The following FAM120A variants were observed in gnomAD, a reference collection of about 807,000 sequenced individuals.
FAM120A encodes constitutive coactivator of PPAR-gamma-like protein 1.
Under a neutral mutation model 109.7 loss-of-function variants are expected in FAM120A, and 15 were observed. That is an observed-to-expected ratio of 0.14 (90% CI 0.09 to 0.21). The LOEUF is 0.21. FAM120A is among the 10% of genes least tolerant of loss of function. The pLI is 1.00. For synonymous variants in FAM120A, 493 were observed against 572.8 expected (o/e 0.86, Z 1.99); for missense variants, 899 against 1,439.3 (o/e 0.62, Z 6.07).
At chr9:93,495,657 T>C (rs1384562081) in intron 3 of FAM120A, among the ~76,000 whole-genome samples, 1 of 152,218 alleles carries the variant, frequency 6.6e-6, no homozygotes, top group African/African-American at 2.4e-5. Flanking sequence ...AATGCTATGA[T>C]CGCTTGAGTC....
At position 93,508,879 on chromosome 9, in the gene FAM120A, A is replaced by G. The variant is rs370966401; in HGVS notation, c.1031-6788A>G. On this transcript the variant is annotated intron_variant, in intron 5 of 17. Coordinates refer to ENST00000277165, the MANE Select transcript of FAM120A (RefSeq NM_014612.5). ...AAATACACACGATCTCTCTCCAATA[A>G]CATACCCCCCAGAATCTGAGAACAT... Among the ~76,000 whole-genome samples, 61 of 152,342 alleles carry G rather than the reference A, an allele frequency of 4.0e-4. 1 individual carries two copies. The South Asian group carries it at 9.1e-3, about 23-fold the overall frequency.
In FAM120A at chr9:93,529,577, G is replaced by A. The variant is rs769862112; in HGVS notation, c.1731G>A (p.Thr577=). 1.8e-5 allele frequency: 29 copies of A among 1,614,038 alleles called. No individual in the cohort carries two copies. In the African/African-American group the frequency reaches 3.3e-4, roughly 19 times the overall value. ...ACCCCTACATCTTCCATGTCCTGAC[G>A]AAGGTATTATCAAAGGGGCCCTGGA... The part of the protein sequence containing the change: ...LMYPYIFHVL[T]KGEIKIAVSI... Residue 577 remains threonine (T), a synonymous_variant, in exon 9 of 18, where the codon ACG becomes ACA. Coordinates refer to ENST00000277165, the MANE Select transcript of FAM120A (RefSeq NM_014612.5).
chr9:93,460,959 G>A (rs1279201121), intron 1 of FAM120A, among the ~76,000 whole-genome samples: 1 of 152,138 alleles, frequency 6.6e-6, no homozygotes, highest in Non-Finnish European at 1.5e-5. Context: ...ACTGCTTCAG[G>A]AAATGGGCTG....
chr9:93,512,075 A>C (rs1860346085), intron 5 of FAM120A, among the ~76,000 whole-genome samples: 2 of 152,258 alleles, frequency 1.3e-5, no homozygotes, highest in African/African-American at 4.8e-5. Context: ...TACAGGCATG[A>C]GCCACTGAAC....
intron 3 of FAM120A, among the ~76,000 whole-genome samples, chr9:93,493,591 A>G (rs1859431999): frequency 6.6e-6 from 1 of 152,218 alleles, no homozygotes; most frequent in South Asian, 2.1e-4. Context: ...AGAGTACCCA[A>G]ATGTGCTCTA....
Position 93,471,218 on chromosome 9 carries a change from G to C in FAM120A, c.552G>C (p.Ala184=). 6.2e-7 allele frequency: 1 copy of C among 1,614,126 alleles called. No individual in the cohort carries two copies. Residue 184 remains alanine, a synonymous_variant, in exon 2 of 18, where the codon GCG becomes GCC. Coordinates refer to ENST00000277165, the MANE Select transcript of FAM120A (RefSeq NM_014612.5). ...AGAATGGTTTCCATGGCTTGGTTGC[G>C]TATGACTCTGATTATGCACTGTGCA... ...CRENGFHGLV[A]YDSDYALCNI...
intron 2 of FAM120A, among the ~76,000 whole-genome samples, chr9:93,473,972 A>G (rs184845064): frequency 2.0e-5 from 3 of 152,342 alleles, no homozygotes. Flanking sequence ...CTCATTTGAA[A>G]AATGGAAGAA....
chr9:93,548,379 G>A (rs976615965), intron 11 of FAM120A, among the ~76,000 whole-genome samples: 4 of 152,108 alleles, frequency 2.6e-5, no homozygotes, highest in African/African-American at 9.7e-5. Context: ...CAAAGTGCTG[G>A]GATTACAACA....
intron 7 of FAM120A, among the ~76,000 whole-genome samples, chr9:93,522,090 C>G (rs1310240704): frequency 6.6e-6 from 1 of 152,116 alleles, no homozygotes; most frequent in Non-Finnish European, 1.5e-5. Flanking sequence ...AAAAACAAAA[C>G]AAAACAAAAA....
chr9:93,545,243 C>A (rs1423027876), intron 11 of FAM120A, among the ~76,000 whole-genome samples: 1 of 152,190 alleles, frequency 6.6e-6, no homozygotes, highest in Non-Finnish European at 1.5e-5. Flanking sequence ...GCTGCAGGAA[C>A]TTTGCCGCCC....
chr9:93,509,717 G>T (rs1160365869), intron 5 of FAM120A, among the ~76,000 whole-genome samples: 2 of 152,026 alleles, frequency 1.3e-5, no homozygotes, highest in African/African-American at 4.8e-5. Context: ...TTGTTGTGAT[G>T]AAAAACTGTT....
At chr9:93,471,020 G>A in intron 1 of FAM120A, 121 bp from the exon 2 acceptor site, 1 of 1,194,536 alleles carries the variant, frequency 8.4e-7, no homozygotes, top group Non-Finnish European at 1.2e-6. Flanking sequence ...TTGACTGTTT[G>A]GCTTTCACGG....
chr9:93,452,771 A>G lies in FAM120A; in HGVS notation c.474+382A>G. 1.3e-6 allele frequency: 2 copies of G among 1,596,088 alleles called. No homozygotes were observed. The highest frequency in any genetic ancestry group is 1.7e-6 in the Non-Finnish European group (2 of 1,179,280). On this transcript the variant is annotated intron_variant, in intron 1 of 17. Transcript: ENST00000277165. The surrounding 1 kb of genome is among the most constrained non-coding windows in gnomAD (Gnocchi z 7.0). ...CTTTGACAAAATACTCCCTTTTCTA[A>G]TTTAGCCTGTTCTTTCCCAGCAACA...
chr9:93,564,177 C>A, intron 17 of FAM120A, 52 bp from the exon 18 acceptor site: 2 of 1,560,074 alleles, frequency 1.3e-6, no homozygotes, highest in Admixed American at 3.6e-5. Context: ...CATCCTCTCT[C>A]TTCTGTTTAT....
intron 7 of FAM120A, among the ~76,000 whole-genome samples, chr9:93,525,696 C>T (rs1467115635): frequency 6.6e-6 from 1 of 152,156 alleles, no homozygotes; most frequent in Non-Finnish European, 1.5e-5. Flanking sequence ...ACAATGCGCC[C>T]TCAGTGGCTG....
intron 3 of FAM120A, among the ~76,000 whole-genome samples, chr9:93,482,184 AT>A (rs386415495): frequency 0.056 from 6,568 of 118,298 alleles, 163 homozygotes; most frequent in Non-Finnish European, 0.079. Flanking sequence ...ATTCACCTCC[AT>A]TTTTTTTTTT....
At chr9:93,548,920 G>A (rs1861994711) in intron 11 of FAM120A, among the ~76,000 whole-genome samples, 1 of 152,134 alleles carries the variant, frequency 6.6e-6, no homozygotes, top group African/African-American at 2.4e-5. Flanking sequence ...GCGTGTGCCT[G>A]TAATCCCAGC....
chr9:93,516,134 C>T lies in FAM120A; in HGVS notation c.1283C>T (p.Thr428Met), dbSNP rs145417293. 1.6e-5 allele frequency: 26 copies of T among 1,613,854 alleles called. No homozygotes were observed. The highest frequency in any genetic ancestry group is 4.5e-5 in the East Asian group (2 of 44,878). ...YSNIPHEGKH[T>M]PLYERSSPIN... is the part of the protein sequence containing the mutation. ...AACATTCCTCACGAAGGGAAGCACA[C>T]GCCGCTGTATGAGCGGTCCTCGCCC... The change falls in exon 7 of 18, where the codon ACG (threonine) becomes ATG (methionine). Residue 428 changes from threonine to methionine, a missense_variant. By Grantham distance (81) the Thr-to-Met change is moderately conservative (BLOSUM62 -1). Around this residue, in one of 11 missense-constraint regions of FAM120A, gnomAD observed 30 missense variants for 32.5 expected, o/e 0.92. Transcript: ENST00000277165.
chr9:93,506,055 G>A lies in FAM120A; in HGVS notation c.1030+7169G>A, dbSNP rs139036382. On this transcript the variant is annotated intron_variant, in intron 5 of 17. Transcript: ENST00000277165. ...CTGTTGAATTTCTGATTATCTTCAT[G>A]CCACAGGATTATGCCGTTCTAGTTG... 2.6e-4 allele frequency among the ~76,000 whole-genome samples: 39 copies of A among 152,262 alleles called. No homozygotes were observed. The East Asian group carries it at 6.8e-3, about 26-fold the overall frequency.
Sources: gnomAD v4.1 joint callset for allele counts (sites outside exome capture counted in the v4.1 genomes callset) on GRCh38, gnomAD v4.1.1 for gene constraint, gnomAD v4.1.1 regional missense constraint, Gnocchi (gnomAD v3.1) non-coding constraint, MANE v1.5 for transcripts, NCBI Gene and HGNC (gene_info 2026-07-23, HGNC 2026-07-21) for gene names.